RBFOX3: variants seen among roughly 807,000 people sequenced by gnomAD.
RBFOX3 encodes the protein RNA binding protein fox-1 homolog 3.
A neutral mutation model predicts 48.7 loss-of-function variants in RBFOX3; 17 were observed. The ratio of observed to expected loss-of-function variants is 0.35; its 90% CI spans 0.24 to 0.52. RBFOX3 has a LOEUF of 0.52. RBFOX3 is among the 20% of genes least tolerant of loss of function. The pLI, the probability that RBFOX3 is intolerant of heterozygous loss-of-function variation, is 0.94. For missense variants in RBFOX3, 382 were observed against 497.5 expected (o/e 0.77, Z 2.21); for synonymous variants, 212 against 209.5 (o/e 1.01, Z -0.10).
chr17:79,107,252 C>T (rs1367576048), intron 5 of RBFOX3, among the ~76,000 whole-genome samples: 4 of 152,192 alleles, frequency 2.6e-5, no homozygotes, highest in Admixed American at 6.5e-5. Flanking sequence ...TCCGCCTGTC[C>T]GAAGGTGCTG....
chr17:79,128,097 C>G (rs898540), intron 4 of RBFOX3, among the ~76,000 whole-genome samples: 61,800 of 152,146 alleles, frequency 0.41, 13,891 homozygotes, highest in African/African-American at 0.59. Flanking sequence ...CCTCAGGGAG[C>G]AGACTCCTGG....
chr17:79,542,524 C>T (rs2089862883), intron 1 of RBFOX3, among the ~76,000 whole-genome samples: 1 of 140,030 alleles, frequency 7.1e-6, no homozygotes, highest in African/African-American at 2.8e-5. Context: ...TGGCTGACGC[C>T]TGTAATCCCA....
At chr17:79,524,229 C>T (rs1353615860) in intron 1 of RBFOX3, among the ~76,000 whole-genome samples, 1 of 152,316 alleles carries the variant, frequency 6.6e-6, no homozygotes, top group African/African-American at 2.4e-5. Flanking sequence ...CTGCAGACAA[C>T]AATGTTTGGG....
At chr17:79,255,744 G>C (rs554940376) in intron 3 of RBFOX3, among the ~76,000 whole-genome samples, 1 of 152,144 alleles carries the variant, frequency 6.6e-6, no homozygotes, top group South Asian at 2.1e-4. Flanking sequence ...CTGCAGCTCA[G>C]GGGCAGCGTC....
chr17:79,560,210 G>A (rs1396577011), intron 1 of RBFOX3, among the ~76,000 whole-genome samples: 1 of 152,088 alleles, frequency 6.6e-6, no homozygotes, highest in African/African-American at 2.4e-5. Flanking sequence ...TGACTGGGCT[G>A]AAATGGTTGC....
chr17:79,482,644 C>A lies in RBFOX3; in HGVS notation c.-319-46G>T, dbSNP rs2078927819. 1 of 152,124 alleles carries A rather than the reference C, an allele frequency of 6.6e-6. No homozygotes were observed. The highest frequency in any genetic ancestry group is 2.1e-4 in the South Asian group (1 of 4,824). 9.4% of individuals were successfully genotyped at this position (152,124 alleles called of 1,614,324 possible). A position where few individuals can be genotyped will look rare whatever the true frequency, so the allele number is the denominator to read the frequency against. On this transcript the variant is annotated intron_variant, in intron 1 of 14. Transcript: ENST00000693108. This position sits in a 1 kb window ranked among gnomAD's most constrained non-coding sequence, Gnocchi z 4.1. ...GTAAAAAAATTGCCTTTGAAGAAAA[C>A]ATCTTCCTTTTGATCTAAAACAAAC...
chr17:79,109,738 G>C (rs771307372), intron 5 of RBFOX3, among the ~76,000 whole-genome samples: 12 of 152,214 alleles, frequency 7.9e-5, no homozygotes, highest in Non-Finnish European at 1.3e-4. Flanking sequence ...AGCCTGGAGA[G>C]GGGCACACAG....
intron 3 of RBFOX3, among the ~76,000 whole-genome samples, chr17:79,263,946 A>T (rs1047293005): frequency 3.3e-5 from 5 of 152,026 alleles, no homozygotes; most frequent in Admixed American, 6.6e-5. Context: ...AAGAGAAAGG[A>T]GGGAGGCTTG....
intron 3 of RBFOX3, among the ~76,000 whole-genome samples, chr17:79,237,668 A>T (rs1363807220): frequency 6.6e-6 from 1 of 152,232 alleles, no homozygotes; most frequent in Admixed American, 6.5e-5. Context: ...TCCCAGCCGC[A>T]TCAGGGAGGG....
chr17:79,546,705 T>C (rs1234020976), intron 1 of RBFOX3, among the ~76,000 whole-genome samples: 1 of 144,334 alleles, frequency 6.9e-6, no homozygotes, highest in African/African-American at 2.7e-5. Flanking sequence ...GGTCTCACCC[T>C]GTTGCCCAGG....
chr17:79,353,270 G>T (rs1489316967), intron 2 of RBFOX3, among the ~76,000 whole-genome samples: 1 of 152,172 alleles, frequency 6.6e-6, no homozygotes, highest in Non-Finnish European at 1.5e-5. Flanking sequence ...TCCCAGGGTG[G>T]CTGGGAGCAC....
chr17:79,357,143 G>A (rs2085307906), intron 2 of RBFOX3, among the ~76,000 whole-genome samples: 1 of 152,234 alleles, frequency 6.6e-6, no homozygotes. Flanking sequence ...CGGGTGCTGT[G>A]GCTGCTGCTC....
At chr17:79,528,180 C>T (rs1015131916) in intron 1 of RBFOX3, among the ~76,000 whole-genome samples, 1 of 152,174 alleles carries the variant, frequency 6.6e-6, no homozygotes, top group South Asian at 2.1e-4. Flanking sequence ...TTAGTTGAAC[C>T]TCTGAGGTAT....
intron 2 of RBFOX3, among the ~76,000 whole-genome samples, chr17:79,313,000 T>A (rs1387278764): frequency 6.6e-6 from 1 of 152,164 alleles, no homozygotes; most frequent in Non-Finnish European, 1.5e-5. Context: ...TGTAGGATGC[T>A]GGGAGAGTCT....
At chr17:79,228,089 A>C (rs1026610479) in intron 4 of RBFOX3, among the ~76,000 whole-genome samples, 1 of 152,158 alleles carries the variant, frequency 6.6e-6, no homozygotes, top group Non-Finnish European at 1.5e-5. Context: ...CTTCCTCCGT[A>C]GGACGGAGCC....
intron 2 of RBFOX3, among the ~76,000 whole-genome samples, chr17:79,374,999 C>T (rs868134): frequency 0.33 from 50,196 of 151,782 alleles, 8,473 homozygotes; most frequent in Non-Finnish European, 0.35. Flanking sequence ...CTTCCCCTGC[C>T]GCTCCACCAG....
intron 3 of RBFOX3, among the ~76,000 whole-genome samples, chr17:79,284,728 C>T (rs1001549246): frequency 6.6e-6 from 1 of 151,990 alleles, no homozygotes; most frequent in Admixed American, 6.6e-5. Flanking sequence ...TTAGTAGAGA[C>T]GAGATTTCAC....
rs112547259 is a variant in RBFOX3, at chr17:79,130,949, G to A, written c.-33-15201C>T. ...GTGCGCGGGAATCAGCCCCGCACCT[G>A]CAAGGCAGCGTGCTCTGCGTGCCCT... On this transcript the variant is annotated intron_variant, in intron 4 of 14. Coordinates refer to ENST00000693108, the MANE Select transcript of RBFOX3 (RefSeq NM_001350451.2). 1.7e-3 allele frequency among the ~76,000 whole-genome samples: 255 copies of A among 152,396 alleles called. 2 individuals are homozygous for A. Among genetic ancestry groups the A allele is most frequent in the Middle Eastern group, 6.8e-3 (2 of 294 alleles).
At chr17:79,623,578 C>G in the RBFOX3 span, among the ~76,000 whole-genome samples, 1 of 152,192 alleles carries the variant, frequency 6.6e-6, no homozygotes, top group East Asian at 1.9e-4. Flanking sequence ...TTTGGGAGGC[C>G]AAGGCGGGGT....
Sources: allele counts gnomAD v4.1 joint callset (sites outside exome capture counted in the v4.1 genomes callset), GRCh38; gene constraint gnomAD v4.1.1; non-coding constraint Gnocchi (gnomAD v3.1); transcripts MANE v1.5; gene names NCBI Gene and HGNC (gene_info 2026-07-23, HGNC 2026-07-21).